Variants in VAMP4 observed in about 807,000 individuals in gnomAD.
The protein encoded by VAMP4 is vesicle-associated membrane protein 4.
A neutral mutation model predicts 23.5 loss-of-function variants in VAMP4; 19 were observed. The ratio of observed to expected loss-of-function variants is 0.81; its 90% CI spans 0.56 to 1.19. The LOEUF is 1.19. VAMP4 is among the 50% of genes most tolerant of loss of function. The probability of loss-of-function intolerance (pLI) is 0.00; values close to 1 mark genes in which losing one functional copy is unlikely to be tolerated. For missense variants in VAMP4, 145 were observed against 168.6 expected (o/e 0.86, Z 0.78); for synonymous variants, 31 against 51.0 (o/e 0.61, Z 1.67).
intron 7 of VAMP4, 76 bp downstream of exon 7, chr1:171,706,291 C>G: frequency 7.0e-7 from 1 of 1,419,372 alleles, no homozygotes; most frequent in African/African-American, 1.4e-5. Flanking sequence ...ACTAGGTCAA[C>G]TGAAAATAAA....
chr1:171,715,970 T>C (rs1441176597), intron 4 of VAMP4, among the ~76,000 whole-genome samples: 1 of 152,182 alleles, frequency 6.6e-6, no homozygotes, highest in African/African-American at 2.4e-5. Context: ...CACTGCACTC[T>C]AGCCTGGGTG....
At chr1:171,728,399 G>A in intron 3 of VAMP4, 125 bp downstream of exon 3, 2 of 701,700 alleles carry the variant, frequency 2.9e-6, no homozygotes, top group South Asian at 6.1e-5. Context: ...GGGGGATCTT[G>A]GAAGGCATCT....
chr1:171,700,374 TAAGG>T lies in VAMP4; in HGVS notation c.*4128_*4131del, dbSNP rs1213524386. On this transcript the variant is annotated 3_prime_UTR_variant, in exon 8 of 8. Transcript: ENST00000236192. The stretch of plus-strand genomic sequence containing the variant: ...AAAGGCACTTACCAAAGTGATTAAA[TAAGG>T]GAGTGTGGAATTTAAAATAATGACA... 1 of 152,166 alleles carries T rather than the reference TAAGG, an allele frequency of 6.6e-6. No homozygotes were observed. The highest frequency in any genetic ancestry group is 1.5e-5 in the Non-Finnish European group (1 of 68,024). 9.4% of individuals were successfully genotyped at this position (152,166 alleles called of 1,614,324 possible).
chr1:171,710,759 C>T lies in VAMP4; in HGVS notation c.220G>A (p.Val74Ile). ...TCTAGTCTCTCCCCTCTCTCAATTA[C>T]CTTTGTAATATTTTCTTGCATGACA... is the stretch of plus-strand genomic sequence containing the variant. ...IDVMQENITK[V>I]IERGERLDEL... Residue 74 changes from valine (V) to isoleucine (I), a missense_variant, in exon 5 of 8, where the codon GTA becomes ATA. Transcript: ENST00000236192. The T allele has an allele frequency of 1.9e-6, 3 of 1,610,144 alleles. No individual in the cohort carries two copies. Among genetic ancestry groups the T allele is most frequent in the Non-Finnish European group, 2.5e-6 (3 of 1,178,248 alleles).
chr1:171,715,151 T>A (rs756580300), intron 4 of VAMP4, among the ~76,000 whole-genome samples: 20 of 152,192 alleles, frequency 1.3e-4, no homozygotes, highest in Non-Finnish European at 2.1e-4. Flanking sequence ...CTCCTAGATT[T>A]ATAATTTGAG....
intron 4 of VAMP4, among the ~76,000 whole-genome samples, chr1:171,711,831 T>C (rs1654857631): frequency 6.6e-6 from 1 of 152,292 alleles, no homozygotes; most frequent in Admixed American, 6.5e-5. Flanking sequence ...GCATAACATT[T>C]TGGTTAATGA....
intron 7 of VAMP4, among the ~76,000 whole-genome samples, chr1:171,705,932 A>G (rs927933224): frequency 1.4e-4 from 22 of 152,154 alleles, no homozygotes; most frequent in African/African-American, 5.3e-4. Context: ...AATCATCTGG[A>G]GAACGTATTT....
intron 4 of VAMP4, among the ~76,000 whole-genome samples, chr1:171,714,852 C>G (rs966661786): frequency 6.6e-6 from 1 of 152,116 alleles, no homozygotes; most frequent in African/African-American, 2.4e-5. Flanking sequence ...AAAGATTATA[C>G]TCCAGTAGGG....
chr1:171,712,779 A>G (rs761404721), intron 4 of VAMP4, among the ~76,000 whole-genome samples: 23 of 152,224 alleles, frequency 1.5e-4, no homozygotes, highest in Admixed American at 5.9e-4. Context: ...TAATCAATTT[A>G]TTCAGCAAAT....
chr1:171,734,420 G>C (rs1470199073), intron 2 of VAMP4, among the ~76,000 whole-genome samples: 1 of 152,132 alleles, frequency 6.6e-6, no homozygotes, highest in Non-Finnish European at 1.5e-5. Context: ...CAAATCTATA[G>C]GAGTGCAGTT....
In VAMP4 at chr1:171,718,436, CAAGT is replaced by C. The variant is rs751733277; in HGVS notation, c.164+731_164+734del. ...TTGGTCAGTTTCCAGAGCCTTCCCTCAAGTGACTCACTGCTCTGTCTATTCCTTC... is the reference window on the plus strand; with the variant it reads ...TTGGTCAGTTTCCAGAGCCTTCCCTCGACTCACTGCTCTGTCTATTCCTTC... On this transcript the variant is annotated intron_variant, in intron 4 of 7. Coordinates refer to ENST00000236192, the MANE Select transcript of VAMP4 (RefSeq NM_003762.5). 2.6e-5 allele frequency among the ~76,000 whole-genome samples: 4 copies of C among 152,134 alleles called. 1 individual carries two copies. The highest frequency in any genetic ancestry group is 5.9e-5 in the Non-Finnish European group (4 of 68,030).
intron 2 of VAMP4, among the ~76,000 whole-genome samples, chr1:171,735,887 T>A (rs1392346315): frequency 2.6e-5 from 4 of 152,154 alleles, no homozygotes; most frequent in Admixed American, 6.5e-5. Context: ...TGTAAAGACA[T>A]GCTTTTTTTT....
Position 171,702,102 on chromosome 1 carries a change from T to G in VAMP4, c.*2404A>C, listed in dbSNP as rs1341311864. ...GATCTGAGCTGAATGAGAAAAAAAG[T>G]AATTAAGGGAGGGAATAAAGGTAGG... On this transcript the variant is annotated 3_prime_UTR_variant, in exon 8 of 8. Coordinates refer to ENST00000236192, the MANE Select transcript of VAMP4 (RefSeq NM_003762.5). The G allele has an allele frequency of 6.6e-6, 1 of 152,044 alleles. No individual in the cohort carries two copies. Among genetic ancestry groups the G allele is most frequent in the East Asian group, 1.9e-4 (1 of 5,202 alleles). 9.4% of individuals were successfully genotyped at this position (152,044 alleles called of 1,614,324 possible). A position where few individuals can be genotyped will look rare whatever the true frequency, so the allele number is the denominator to read the frequency against.
In VAMP4 at chr1:171,703,472, CA is replaced by C. The variant is rs200066260; in HGVS notation, c.*1033del. ...ATATATATATATATATATATATACACATAGGTTCCTGACTTTCTACTACTCA... is the reference window on the plus strand; with the variant it reads ...ATATATATATATATATATATATACACTAGGTTCCTGACTTTCTACTACTCA... On this transcript the variant is annotated 3_prime_UTR_variant, in exon 8 of 8. Coordinates refer to ENST00000236192, the MANE Select transcript of VAMP4 (RefSeq NM_003762.5). The C allele has an allele frequency of 1.4e-5, 1 of 73,048 alleles. No individual in the cohort carries two copies. Among genetic ancestry groups the C allele is most frequent in the African/African-American group, 5.7e-5 (1 of 17,638 alleles). The allele number at this position is 73,048 out of a possible 1,614,324, so 4.5% of individuals were successfully genotyped here. A position where few individuals can be genotyped will look rare whatever the true frequency, so the allele number is the denominator to read the frequency against.
Position 171,719,039 on chromosome 1 carries a change from C to A in VAMP4, c.164+132G>T, listed in dbSNP as rs886686331. On this transcript the variant is annotated intron_variant, in intron 4 of 7. Coordinates refer to ENST00000236192, the MANE Select transcript of VAMP4 (RefSeq NM_003762.5). ...TATCGATAATATGAAAACAAATGGG[C>A]ATGGCTATGTTCCAATAAAACTTTA... 4 of 665,498 alleles carry A rather than the reference C, an allele frequency of 6.0e-6. No homozygotes were observed. The African/African-American group carries it at 7.5e-5, about 12-fold the overall frequency. The allele number at this position is 665,498 out of a possible 1,614,324, so 41.2% of individuals were successfully genotyped here.
intron 6 of VAMP4, among the ~76,000 whole-genome samples, chr1:171,707,424 C>A (rs560070355): frequency 2.6e-5 from 4 of 152,274 alleles, no homozygotes; most frequent in African/African-American, 9.6e-5. Flanking sequence ...TCCTCATGAC[C>A]TGTTGTGAGT....
In VAMP4 at chr1:171,715,140, ACTC is replaced by A. The variant is rs1198447803; in HGVS notation, c.164+4028_164+4030del. Among the ~76,000 whole-genome samples, 4 of 152,092 alleles carry A rather than the reference ACTC, an allele frequency of 2.6e-5. No homozygotes were observed. The East Asian group carries it at 7.7e-4, about 29-fold the overall frequency. On this transcript the variant is annotated intron_variant, in intron 4 of 7. Coordinates refer to ENST00000236192, the MANE Select transcript of VAMP4 (RefSeq NM_003762.5). ...GAAGGAATTGGGAAAAGAGTAGACA[ACTC>A]CTAGATTTATAATTTGAGCAATTAA... is the stretch of plus-strand genomic sequence containing the variant.
At position 171,728,414 on chromosome 1, in the gene VAMP4, C is replaced by T. The variant is rs1655444325; in HGVS notation, c.113+110G>A. On this transcript the variant is annotated intron_variant, in intron 3 of 7. Coordinates refer to ENST00000236192, the MANE Select transcript of VAMP4 (RefSeq NM_003762.5). ...GGGGGATCTTGGAAGGCATCTCTCA[C>T]GTATAAGGGAGACTACTGCATATCT... 6 of 856,656 alleles carry T rather than the reference C, an allele frequency of 7.0e-6. No individual in the cohort carries two copies. The South Asian group carries it at 9.9e-5, about 14-fold the overall frequency. The allele number at this position is 856,656 out of a possible 1,614,324, so 53.1% of individuals were successfully genotyped here. A position where few individuals can be genotyped will look rare whatever the true frequency, so the allele number is the denominator to read the frequency against.
rs1265615039 is a variant in VAMP4, at chr1:171,741,944, G to C, written c.-84C>G. 3 of 152,360 alleles carry C rather than the reference G, an allele frequency of 2.0e-5. No homozygotes were observed. The highest frequency in any genetic ancestry group is 4.4e-5 in the Non-Finnish European group (3 of 68,156). 9.4% of individuals were successfully genotyped at this position (152,360 alleles called of 1,614,324 possible). On this transcript the variant is annotated 5_prime_UTR_variant, in exon 1 of 8. Coordinates refer to ENST00000236192, the MANE Select transcript of VAMP4 (RefSeq NM_003762.5). ...CCGGGGAACTCCCGGCAGCTCTCCC[G>C]GGCTGGCGGTGCTGGGCGGGCGGGG... is the stretch of plus-strand genomic sequence containing the variant.
Sources: allele counts gnomAD v4.1 joint callset (sites outside exome capture counted in the v4.1 genomes callset), GRCh38; gene constraint gnomAD v4.1.1; transcripts MANE v1.5; gene names NCBI Gene and HGNC (gene_info 2026-07-23, HGNC 2026-07-21).